MAN2A1: variants seen among roughly 807,000 people sequenced by gnomAD.
The protein encoded by MAN2A1 is mannosidase alpha class 2A member 1.
A neutral mutation model predicts 142.6 loss-of-function variants in MAN2A1; 76 were observed. The ratio of observed to expected loss-of-function variants is 0.53; its 90% CI spans 0.44 to 0.65. The LOEUF (loss-of-function observed/expected upper bound fraction) is 0.65. Among genes scored for constraint, MAN2A1 ranks in the 30% least tolerant of loss-of-function variants. The pLI, the probability that MAN2A1 is intolerant of heterozygous loss-of-function variation, is 0.00. For synonymous variants in MAN2A1, 559 were observed against 473.2 expected (o/e 1.18, Z -2.35); for missense variants, 1,311 against 1,365.1 (o/e 0.96, Z 0.62).
intron 8 of MAN2A1, among the ~76,000 whole-genome samples, chr5:109,779,917 A>G (rs926303165): frequency 4.6e-5 from 7 of 152,142 alleles, no homozygotes; most frequent in African/African-American, 1.7e-4. Flanking sequence ...GTAAAAATAT[A>G]TTGCACCACA....
chr5:109,747,414 T>C (rs1752436415), intron 4 of MAN2A1, among the ~76,000 whole-genome samples: 2 of 152,202 alleles, frequency 1.3e-5, no homozygotes, highest in Non-Finnish European at 2.9e-5. Flanking sequence ...TAGTTTTCTG[T>C]GATATCGTTT....
At chr5:109,732,247 A>G (rs965159850) in intron 4 of MAN2A1, among the ~76,000 whole-genome samples, 8 of 150,670 alleles carry the variant, frequency 5.3e-5, no homozygotes, top group African/African-American at 1.7e-4. Context: ...AGTTCATTGT[A>G]GATTCTGGAT....
At chr5:109,780,763 G>A (rs1055934342) in intron 8 of MAN2A1, among the ~76,000 whole-genome samples, 1 of 152,132 alleles carries the variant, frequency 6.6e-6, no homozygotes, top group African/African-American at 2.4e-5. Context: ...AAAGACCGGT[G>A]TGTTTAAGCA....
intron 16 of MAN2A1, among the ~76,000 whole-genome samples, chr5:109,838,347 A>C (rs1428729910): frequency 6.6e-6 from 1 of 152,214 alleles, no homozygotes; most frequent in Non-Finnish European, 1.5e-5. Flanking sequence ...CTAATCTTGT[A>C]AAGTGTTAAA....
At chr5:109,720,270 A>G (rs1751564328) in intron 3 of MAN2A1, among the ~76,000 whole-genome samples, 1 of 152,224 alleles carries the variant, frequency 6.6e-6, no homozygotes, top group South Asian at 2.1e-4. Context: ...CTAAAATAGT[A>G]GGAAGACCTA....
intron 4 of MAN2A1, among the ~76,000 whole-genome samples, chr5:109,754,437 A>G (rs1356040445): frequency 1.3e-5 from 2 of 152,194 alleles, no homozygotes; most frequent in Non-Finnish European, 2.9e-5. Flanking sequence ...TGTATAGCCT[A>G]TATTTCAACT....
chr5:109,819,472 T>G (rs1754562691), intron 13 of MAN2A1, among the ~76,000 whole-genome samples, 197 bp from the exon 14 acceptor site: 1 of 152,172 alleles, frequency 6.6e-6, no homozygotes, highest in Non-Finnish European at 1.5e-5. Flanking sequence ...GTATTTTTTG[T>G]TTTTTGTTTT....
intron 20 of MAN2A1, among the ~76,000 whole-genome samples, chr5:109,857,793 C>T (rs1223545306): frequency 6.6e-6 from 1 of 152,222 alleles, no homozygotes; most frequent in Non-Finnish European, 1.5e-5. Context: ...TTCAGGTCCT[C>T]TGCAGCCTGG....
At chr5:109,739,272 C>T (rs1386112954) in intron 4 of MAN2A1, among the ~76,000 whole-genome samples, 1 of 152,186 alleles carries the variant, frequency 6.6e-6, no homozygotes. Context: ...CAAATTTTCA[C>T]TAAGTTATAT....
chr5:109,859,224 G>T (rs1416284879), intron 20 of MAN2A1, among the ~76,000 whole-genome samples: 1 of 152,080 alleles, frequency 6.6e-6, no homozygotes, highest in Non-Finnish European at 1.5e-5. Flanking sequence ...GGCCTCAGAG[G>T]GTAGCATTTG....
chr5:109,740,410 G>A (rs1752233988), intron 4 of MAN2A1, among the ~76,000 whole-genome samples: 1 of 152,190 alleles, frequency 6.6e-6, no homozygotes, highest in Non-Finnish European at 1.5e-5. Flanking sequence ...TTTTTGTGTG[G>A]CCTGTAAGCC....
intron 3 of MAN2A1, among the ~76,000 whole-genome samples, chr5:109,723,265 A>T (rs1423719530): frequency 1.3e-5 from 2 of 152,200 alleles, no homozygotes; most frequent in African/African-American, 2.4e-5. Flanking sequence ...TAAAGCTGAT[A>T]TGCTTAGAAA....
rs142234136 is a variant in MAN2A1, at chr5:109,823,934, A to G, written c.2566+97A>G. 20 of 567,264 alleles carry G rather than the reference A, an allele frequency of 3.5e-5. No individual in the cohort carries two copies. In the East Asian group the frequency reaches 6.3e-4, roughly 18 times the overall value. The allele number at this position is 567,264 out of a possible 1,614,324, so 35.1% of individuals were successfully genotyped here. A position where few individuals can be genotyped will look rare whatever the true frequency, so the allele number is the denominator to read the frequency against. On this transcript the variant is annotated intron_variant, in intron 16 of 21. Coordinates refer to ENST00000261483, the MANE Select transcript of MAN2A1 (RefSeq NM_002372.4). ...TCTTAAATTAACAGTTGGTTTTTGT[A>G]GATGATGTTTTTCTAAACTTGACAT...
intron 4 of MAN2A1, among the ~76,000 whole-genome samples, chr5:109,740,370 C>G (rs1449481480): frequency 6.6e-6 from 1 of 152,178 alleles, no homozygotes; most frequent in Non-Finnish European, 1.5e-5. Flanking sequence ...AGCTGCTGAG[C>G]CTGGGGCTGG....
intron 19 of MAN2A1, chr5:109,854,110 TATTACAAAAAGG>T (rs1437450793): frequency 8.5e-5 from 13 of 152,206 alleles, no homozygotes; most frequent in African/African-American, 2.7e-4. Flanking sequence ...CTGAGCCTTA[TATTACAAAAAGG>T]ATGCAAAATC....
Position 109,693,358 on chromosome 5 carries a change from T to C in MAN2A1, c.135+2806T>C, listed in dbSNP as rs150317376. ...GGTTGCAATACATTTGTTTGGCAAG[T>C]TTGGGTATTGAATTCTTGAGTTTTA... On this transcript the variant is annotated intron_variant, in intron 1 of 21. Coordinates refer to ENST00000261483, the MANE Select transcript of MAN2A1 (RefSeq NM_002372.4). 9.2e-5 allele frequency among the ~76,000 whole-genome samples: 14 copies of C among 151,840 alleles called. No individual in the cohort carries two copies. The East Asian group carries it at 2.3e-3, about 25-fold the overall frequency.
rs190340652 is a variant in MAN2A1, at chr5:109,707,497, A to G, written c.136-6023A>G. ...CAGCTATGGTGCCTGTTGTCAATATAGGGATTCATTTAGTGAGGAAAAGAG... is the reference window on the plus strand; with the variant it reads ...CAGCTATGGTGCCTGTTGTCAATATGGGGATTCATTTAGTGAGGAAAAGAG... On this transcript the variant is annotated intron_variant, in intron 1 of 21. Transcript: ENST00000261483. Among the ~76,000 whole-genome samples the G allele has an allele frequency of 5.1e-4, 77 of 152,276 alleles. 2 individuals are homozygous for G. The highest frequency in any genetic ancestry group is 6.8e-3 in the Middle Eastern group (2 of 294).
chr5:109,767,034 T>C (rs567249996), intron 5 of MAN2A1, among the ~76,000 whole-genome samples: 8 of 152,274 alleles, frequency 5.3e-5, no homozygotes, highest in South Asian at 2.1e-4. Flanking sequence ...TGCCACTGTA[T>C]CATAAGATGA....
chr5:109,838,539 T>C (rs1580304949), intron 16 of MAN2A1, among the ~76,000 whole-genome samples: 4 of 152,216 alleles, frequency 2.6e-5, no homozygotes, highest in Admixed American at 2.6e-4. Flanking sequence ...TTCATGAGCC[T>C]CTTTGGGAAA....
Sources: allele counts gnomAD v4.1 joint callset (sites outside exome capture counted in the v4.1 genomes callset), GRCh38; gene constraint gnomAD v4.1.1; transcripts MANE v1.5; gene names NCBI Gene and HGNC (gene_info 2026-07-23, HGNC 2026-07-21).